TJP1: variants seen among roughly 807,000 people sequenced by gnomAD.
TJP1 encodes the protein tight junction protein ZO-1.
Under a neutral mutation model 194.2 loss-of-function variants are expected in TJP1, and 43 were observed. The observed-to-expected ratio is 0.22, with a 90% CI of 0.17 to 0.29. TJP1 has a LOEUF of 0.29. TJP1 is among the 10% of genes least tolerant of loss of function. The probability of loss-of-function intolerance (pLI) is 1.00; values close to 1 mark genes in which losing one functional copy is unlikely to be tolerated. For missense variants in TJP1, 1,971 were observed against 2,185.7 expected (o/e 0.90, Z 1.96); for synonymous variants, 801 against 779.0 (o/e 1.03, Z -0.47).
At chr15:29,706,540 C>T (rs2041910448) in intron 25 of TJP1, among the ~76,000 whole-genome samples, 1 of 152,092 alleles carries the variant, frequency 6.6e-6, no homozygotes, top group African/African-American at 2.4e-5. Flanking sequence ...CACTTCAGAA[C>T]CCAAGAAGTT....
chr15:29,905,737 G>A (rs1011603029), intron 2 of TJP1, among the ~76,000 whole-genome samples: 11 of 152,242 alleles, frequency 7.2e-5, no homozygotes, highest in South Asian at 4.1e-4. Flanking sequence ...AATTAAATAC[G>A]TATTTGGTTT....
chr15:29,895,531 T>C (rs2053450828), intron 2 of TJP1, among the ~76,000 whole-genome samples: 1 of 152,222 alleles, frequency 6.6e-6, no homozygotes, highest in African/African-American at 2.4e-5. Flanking sequence ...GAATTGCCTT[T>C]ACAGTCCATA....
intron 2 of TJP1, among the ~76,000 whole-genome samples, chr15:29,887,240 A>G (rs1187705992): frequency 6.7e-6 from 1 of 148,806 alleles, no homozygotes; most frequent in South Asian, 2.1e-4. Context: ...TTAAGGTAGA[A>G]AAATATATTG....
chr15:29,764,636 G>GA (rs997807538), intron 5 of TJP1, among the ~76,000 whole-genome samples: 2 of 151,958 alleles, frequency 1.3e-5, no homozygotes, highest in African/African-American at 4.8e-5. Context: ...TCATGCATGG[G>GA]AAAAAAAGAG....
intron 2 of TJP1, among the ~76,000 whole-genome samples, chr15:29,938,306 C>A (rs774707189): frequency 6.6e-6 from 1 of 152,088 alleles, no homozygotes; most frequent in African/African-American, 2.4e-5. Flanking sequence ...GGTTTTAATT[C>A]TCTATAATAA....
intron 1 of TJP1, among the ~76,000 whole-genome samples, chr15:29,967,138 C>T (rs1425383031): frequency 2.0e-5 from 3 of 152,002 alleles, no homozygotes; most frequent in Non-Finnish European, 4.4e-5. Flanking sequence ...CTCAGCCTCC[C>T]AAGTAGCTGA....
At chr15:29,835,740 T>G (rs984750194) in intron 2 of TJP1, among the ~76,000 whole-genome samples, 34 of 152,320 alleles carry the variant, frequency 2.2e-4, no homozygotes, top group African/African-American at 7.7e-4. Flanking sequence ...CCCAAAAGAT[T>G]TCAAATCTGT....
intron 25 of TJP1, among the ~76,000 whole-genome samples, chr15:29,706,826 A>G (rs1363328936): frequency 1.3e-5 from 2 of 151,938 alleles, no homozygotes; most frequent in Non-Finnish European, 2.9e-5. Flanking sequence ...TGCCCGGCTA[A>G]TTTTTGTATT....
intron 2 of TJP1, among the ~76,000 whole-genome samples, chr15:29,901,827 A>G (rs1321820513): frequency 6.6e-6 from 1 of 152,110 alleles, no homozygotes; most frequent in African/African-American, 2.4e-5. Flanking sequence ...TCTCAAAAAA[A>G]AAAAAAAAAA....
At chr15:29,718,211 A>C in intron 21 of TJP1, 55 bp downstream of exon 21, 1 of 1,595,364 alleles carries the variant, frequency 6.3e-7, no homozygotes, top group Non-Finnish European at 8.5e-7. Flanking sequence ...GGGGAGAGCC[A>C]AGAAGCCTTT....
At chr15:29,710,732 C>A in intron 24 of TJP1, 99 bp downstream of exon 24, 2 of 1,457,648 alleles carry the variant, frequency 1.4e-6, no homozygotes, top group South Asian at 1.2e-5. Context: ...AGGTTTCAAG[C>A]ATGTATTTTT....
chr15:29,775,340 AAT>A (rs1205469630), intron 2 of TJP1, among the ~76,000 whole-genome samples: 14 of 151,774 alleles, frequency 9.2e-5, no homozygotes, highest in African/African-American at 3.4e-4. Flanking sequence ...AAAAAAAAAA[AAT>A]ATGCTGAGGT....
In TJP1 at chr15:29,719,937, T is replaced by C. The variant is rs2042826095; in HGVS notation, c.2843A>G (p.Asn948Ser). The C allele has an allele frequency of 6.2e-7, 1 of 1,614,038 alleles. No individual in the cohort carries two copies. Among genetic ancestry groups the C allele is most frequent in the African/African-American group, 1.3e-5 (1 of 74,920 alleles). Residue 948 changes from asparagine (N) to serine (S), a missense_variant, in exon 20 of 28, where the codon AAT (asparagine) becomes AGT (serine). Physicochemically the swap from Asn to Ser is conservative, Grantham distance 46. Transcript: ENST00000614355. ...CAGTCTGACATTAGTTAAATTTACA[T>C]TATGATTAACAGCAGAGGTTGATGA... ...PASSTSAVNHNVNLTNVRLEE... is the reference protein window; with the variant it reads ...PASSTSAVNHSVNLTNVRLEE...
rs2046729964 is a variant in TJP1, at chr15:29,772,174, GA to G, written c.210-9del. ...GCAACTCGGTCATTTTCCCTAAGGG[GA>G]AAAGGGCACAAAATAATATGTTAGA... On this transcript the variant is annotated splice_polypyrimidine_tract_variant and intron_variant, in intron 3 of 27. Transcript: ENST00000614355. 3.2e-6 allele frequency: 5 copies of G among 1,544,798 alleles called. No homozygotes were observed. The highest frequency in any genetic ancestry group is 2.3e-5 in the East Asian group (1 of 43,564).
chr15:29,846,850 T>C (rs964103252), intron 2 of TJP1, among the ~76,000 whole-genome samples: 5 of 151,712 alleles, frequency 3.3e-5, no homozygotes, highest in Non-Finnish European at 7.4e-5. Flanking sequence ...GGTGTGAACC[T>C]GGGAGGTGGA....
intron 2 of TJP1, among the ~76,000 whole-genome samples, chr15:29,918,092 A>G (rs184380702): frequency 3.1e-4 from 47 of 152,208 alleles, no homozygotes; most frequent in Non-Finnish European, 6.8e-4. Context: ...TTGTCCTTTT[A>G]TGACTGACTC....
intron 2 of TJP1, among the ~76,000 whole-genome samples, chr15:29,939,423 C>A (rs8027580): frequency 6.6e-6 from 1 of 152,104 alleles, no homozygotes; most frequent in East Asian, 1.9e-4. Flanking sequence ...AGTCTCTCTG[C>A]GAATGCTTCA....
At chr15:29,818,390 G>T (rs559278364) in intron 1 of TJP1, among the ~76,000 whole-genome samples, 9 of 152,344 alleles carry the variant, frequency 5.9e-5, no homozygotes, top group African/African-American at 2.2e-4. Context: ...GTGACGCAGA[G>T]AACCACCCTA....
intron 27 of TJP1, among the ~76,000 whole-genome samples, chr15:29,702,947 A>G (rs1376830217): frequency 6.6e-6 from 1 of 151,746 alleles, no homozygotes. Context: ...CCCAAAATAA[A>G]ATTCTAATTA....
Sources: allele counts gnomAD v4.1 joint callset (sites outside exome capture counted in the v4.1 genomes callset), GRCh38; gene constraint gnomAD v4.1.1; transcripts MANE v1.5; gene names NCBI Gene and HGNC (gene_info 2026-07-23, HGNC 2026-07-21).